Variants in IQSEC1 observed in about 807,000 individuals in gnomAD.
The protein encoded by IQSEC1 is IQ motif and SEC7 domain-containing protein 1.
In IQSEC1, 31 loss-of-function variants were observed where a neutral mutation model predicts 91.0. The observed-to-expected ratio is 0.34, with a 90% confidence interval of 0.26 to 0.46. IQSEC1 has a LOEUF of 0.46. IQSEC1 is among the 20% of genes least tolerant of loss of function. The pLI is 1.00. For missense variants in IQSEC1, 1,388 were observed against 1,575.6 expected (o/e 0.88, Z 2.02); for synonymous variants, 699 against 662.6 (o/e 1.05, Z -0.84).
At position 12,992,362 on chromosome 3, in the gene IQSEC1, T is replaced by A. The variant is rs1327503588; in HGVS notation, c.24-50497A>T. ...GTGGGGGGTGGGGGGTGGGAGGAGATGGCACCGCTAAGGCAATTTCTCTTC... is the reference window on the plus strand; with the variant it reads ...GTGGGGGGTGGGGGGTGGGAGGAGAAGGCACCGCTAAGGCAATTTCTCTTC... On this transcript the variant is annotated intron_variant, in intron 1 of 13. Transcript: ENST00000613206. The surrounding 1 kb of genome is among the most constrained non-coding windows in gnomAD (Gnocchi z 4.1). Among the ~76,000 whole-genome samples the A allele has an allele frequency of 2.1e-5, 3 of 143,510 alleles. No homozygotes were observed. The highest frequency in any genetic ancestry group is 2.1e-4 in the Admixed American group (3 of 14,560). 94.1% of individuals were successfully genotyped at this position (143,510 alleles called of 152,430 possible).
chr3:13,141,765 A>T (rs773896698), intron 2 of IQSEC1, among the ~76,000 whole-genome samples: 1 of 152,174 alleles, frequency 6.6e-6, no homozygotes, highest in Non-Finnish European at 1.5e-5. Flanking sequence ...AGGTGCGACA[A>T]AGAAAGAGGT....
intron 1 of IQSEC1, among the ~76,000 whole-genome samples, chr3:12,991,657 G>A (rs907035748): frequency 1.3e-5 from 2 of 152,236 alleles, no homozygotes; most frequent in Admixed American, 6.5e-5. Context: ...CCAGTGATGG[G>A]CAGCTTCCTA....
chr3:13,128,488 T>C (rs1429184001), intron 2 of IQSEC1, among the ~76,000 whole-genome samples: 3 of 152,226 alleles, frequency 2.0e-5, no homozygotes, highest in African/African-American at 7.2e-5. Context: ...GAACTAGCCT[T>C]GCATGTCTGG....
intron 2 of IQSEC1, among the ~76,000 whole-genome samples, chr3:13,117,282 G>A (rs1475576452): frequency 1.8e-5 from 2 of 114,058 alleles, no homozygotes; most frequent in Non-Finnish European, 3.4e-5. Flanking sequence ...CACCTAACAG[G>A]TCATTAGAAA....
At chr3:13,050,636 G>A (rs1054711587) in intron 1 of IQSEC1, among the ~76,000 whole-genome samples, 1 of 152,224 alleles carries the variant, frequency 6.6e-6, no homozygotes, top group Admixed American at 6.5e-5. Flanking sequence ...CCACCTACTA[G>A]CTGAGTGCCC....
At chr3:12,943,741 G>A (rs187397591) in intron 1 of IQSEC1, among the ~76,000 whole-genome samples, 35 of 151,328 alleles carry the variant, frequency 2.3e-4, no homozygotes, top group Admixed American at 9.8e-4. Flanking sequence ...AGAATGTGAC[G>A]TCTCCGGCTC....
chr3:12,941,217 A>C (rs1337276030), intron 2 of IQSEC1, among the ~76,000 whole-genome samples: 1 of 152,296 alleles, frequency 6.6e-6, no homozygotes, highest in East Asian at 1.9e-4. Flanking sequence ...TCCCGATGAC[A>C]CTGGGCCTCA....
At chr3:13,041,050 T>C (rs902434738) in intron 1 of IQSEC1, among the ~76,000 whole-genome samples, 12 of 151,936 alleles carry the variant, frequency 7.9e-5, no homozygotes, top group African/African-American at 2.9e-4. Flanking sequence ...TCTTCTGCAG[T>C]TGCCTGCCCT....
chr3:12,903,869 C>T (rs891048187), intron 12 of IQSEC1, among the ~76,000 whole-genome samples: 2 of 152,232 alleles, frequency 1.3e-5, no homozygotes, highest in Admixed American at 6.5e-5. Context: ...CCTATAGGCG[C>T]CACTGTGTCC....
chr3:13,154,158 G>C (rs1707043974), intron 2 of IQSEC1, among the ~76,000 whole-genome samples: 1 of 151,872 alleles, frequency 6.6e-6, no homozygotes, highest in Non-Finnish European at 1.5e-5. Context: ...CCCACTTCTT[G>C]CTTCCTGGTC....
rs1454602973 is a variant in IQSEC1 at position 13,036,064 on chromosome 3, C to T, written c.23+36928G>A. Reference sequence around the variant, plus strand: ...GCTTCCTAGGAATCCAGCTCCTAGTCTTCAAAGCCCAGCTGACATTGAGTA... The same window carrying T: ...GCTTCCTAGGAATCCAGCTCCTAGTTTTCAAAGCCCAGCTGACATTGAGTA... On this transcript the variant is annotated intron_variant, in intron 1 of 13. Transcript: ENST00000613206. Among the ~76,000 whole-genome samples the T allele has an allele frequency of 2.6e-5, 4 of 152,320 alleles. No individual in the cohort carries two copies. The East Asian group carries it at 5.8e-4, about 22-fold the overall frequency.
chr3:12,959,994 C>T (rs573266034), intron 1 of IQSEC1, among the ~76,000 whole-genome samples: 2 of 152,136 alleles, frequency 1.3e-5, no homozygotes, highest in Admixed American at 6.5e-5. Context: ...AGAGAATTCA[C>T]GTTCCTGCGA....
chr3:13,204,524 G>C (rs1180513583), intron 1 of IQSEC1, among the ~76,000 whole-genome samples: 1 of 152,258 alleles, frequency 6.6e-6, no homozygotes, highest in African/African-American at 2.4e-5. Flanking sequence ...CCCACCGCTA[G>C]CGAGAGCGGC....
At chr3:13,025,609 A>G (rs1331048278) in intron 1 of IQSEC1, among the ~76,000 whole-genome samples, 2 of 152,078 alleles carry the variant, frequency 1.3e-5, no homozygotes, top group Non-Finnish European at 2.9e-5. Context: ...GCCTGTTGAG[A>G]TGTGTCTGCC....
chr3:13,126,231 G>A (rs1422830993), intron 2 of IQSEC1, among the ~76,000 whole-genome samples: 1 of 152,146 alleles, frequency 6.6e-6, no homozygotes, highest in Non-Finnish European at 1.5e-5. Context: ...GCCTCTAGAA[G>A]GATTAGTTTG....
At position 12,924,599 on chromosome 3, in the gene IQSEC1, A is replaced by T; in HGVS notation, c.1712T>A (p.Phe571Tyr). The change falls in exon 4 of 14, where the codon TTC (phenylalanine) becomes TAC (tyrosine). Residue 571 changes from phenylalanine (F) to tyrosine (Y), a missense_variant. Coordinates refer to ENST00000613206, the MANE Select transcript of IQSEC1 (RefSeq NM_001134382.3). This position sits in a 1 kb window ranked among gnomAD's most constrained non-coding sequence, Gnocchi z 6.3. ...GEFLGNRQKQ[F>Y]NRDVLDCVVD... ...AACTTACTCGAGCACGTCACGGTTG[A>T]ACTGCTTCTGCCGGTTGCCCAGGAA... is the stretch of plus-strand genomic sequence containing the variant. 6.2e-7 allele frequency: 1 copy of T among 1,606,042 alleles called. No individual in the cohort carries two copies. Among genetic ancestry groups the T allele is most frequent in the Non-Finnish European group, 8.5e-7 (1 of 1,175,350 alleles).
intron 2 of IQSEC1, among the ~76,000 whole-genome samples, chr3:13,157,066 T>C (rs1707097542): frequency 6.6e-6 from 1 of 152,202 alleles, no homozygotes. Flanking sequence ...GCTTAGACCC[T>C]GGTTTCAAAG....
At chr3:12,986,600 G>C (rs1477275792) in intron 1 of IQSEC1, among the ~76,000 whole-genome samples, 1 of 152,220 alleles carries the variant, frequency 6.6e-6, no homozygotes, top group African/African-American at 2.4e-5. Context: ...ACCCGAGAGT[G>C]GGAGGTCGGT....
At chr3:12,958,977 A>G (rs1700082371) in intron 1 of IQSEC1, among the ~76,000 whole-genome samples, 1 of 152,246 alleles carries the variant, frequency 6.6e-6, no homozygotes, top group Non-Finnish European at 1.5e-5. Flanking sequence ...GTGAAGCCCA[A>G]GAGGATCAGA....
Sources: gnomAD v4.1 joint callset for allele counts (sites outside exome capture counted in the v4.1 genomes callset) on GRCh38, gnomAD v4.1.1 for gene constraint, Gnocchi (gnomAD v3.1) non-coding constraint, MANE v1.5 for transcripts, NCBI Gene and HGNC (gene_info 2026-07-23, HGNC 2026-07-21) for gene names.